The following SCARB1 variants were observed in gnomAD, a reference collection of about 807,000 sequenced individuals.
The protein encoded by SCARB1 is scavenger receptor class B member 1, also known as CD36 and LIMPII analogous 1.
In SCARB1, 30 loss-of-function variants were observed where a neutral mutation model predicts 57.2. The observed-to-expected ratio is 0.52, with a 90% CI of 0.39 to 0.71. The LOEUF is 0.71. SCARB1 is among the 30% of genes least tolerant of loss of function. The pLI is 0.00. For missense variants in SCARB1, 543 were observed against 671.2 expected, an observed-to-expected ratio of 0.81 and a Z score of 2.11; for synonymous variants, 249 against 268.3, an observed-to-expected ratio of 0.93 and a Z score of 0.70.
intron 1 of SCARB1, among the ~76,000 whole-genome samples, chr12:124,843,995 T>A (rs879804233): frequency 2.0e-5 from 3 of 152,018 alleles, no homozygotes; most frequent in Non-Finnish European, 4.4e-5. Context: ...CTGGAAGGCA[T>A]GTTGGGTGAA....
chr12:124,792,913 C>T (rs945125845), intron 9 of SCARB1, among the ~76,000 whole-genome samples: 2 of 36,184 alleles, frequency 5.5e-5, no homozygotes, highest in African/African-American at 2.6e-4. Context: ...GGCCCCAGGT[C>T]GCCTCTTCTA....
At position 124,817,775 on chromosome 12, in the gene SCARB1, C is replaced by A; in HGVS notation, c.127-68G>T. ...GGGCCCCACGCCCCACCACAAGGCT[C>A]CGGAACAGCTGCCCGAGCCCGGCCA... On this transcript the variant is annotated intron_variant, in intron 1 of 12. Coordinates refer to ENST00000261693, the MANE Select transcript of SCARB1 (RefSeq NM_005505.5). The surrounding 1 kb of genome is among the most constrained non-coding windows in gnomAD (Gnocchi z 4.8). 3.2e-6 allele frequency: 5 copies of A among 1,570,580 alleles called. No homozygotes were observed. Among genetic ancestry groups the A allele is most frequent in the Non-Finnish European group, 4.4e-6 (5 of 1,141,112 alleles).
In SCARB1 at chr12:124,778,521, G is replaced by A. The variant is rs1315600336; in HGVS notation, c.*66C>T. 2.9e-6 allele frequency: 4 copies of A among 1,368,378 alleles called. No homozygotes were observed. Among genetic ancestry groups the A allele is most frequent in the Non-Finnish European group, 3.8e-6 (4 of 1,059,160 alleles). 84.8% of individuals were successfully genotyped at this position (1,368,378 alleles called of 1,614,324 possible). ...TGGGAGAGTCCGGGAGAAGCGGGGT[G>A]TAGGGGCTGGGGGGCCGGTCAGGCC... On this transcript the variant is annotated 3_prime_UTR_variant, in exon 13 of 13. Transcript: ENST00000261693.
intron 1 of SCARB1, chr12:124,839,536 T>C: frequency 1.2e-6 from 1 of 844,628 alleles, no homozygotes; most frequent in South Asian, 5.4e-5. Flanking sequence ...CCTCTTCAAG[T>C]TCCCACTTCC....
chr12:124,786,043 AT>A (rs1441876869), intron 11 of SCARB1: 1 of 1,504,146 alleles, frequency 6.6e-7, no homozygotes, highest in African/African-American at 1.4e-5. Context: ...AGAACCTGGC[AT>A]CCCCGGGTGC....
intron 11 of SCARB1, 41 bp downstream of exon 11, chr12:124,786,316 G>T: frequency 6.2e-7 from 1 of 1,610,884 alleles, no homozygotes; most frequent in East Asian, 2.2e-5. Flanking sequence ...GCAGGCAAGC[G>T]AATGGCTGTC....
intron 1 of SCARB1, among the ~76,000 whole-genome samples, chr12:124,845,946 A>T (rs1372150179): frequency 6.6e-6 from 1 of 152,064 alleles, no homozygotes; most frequent in Non-Finnish European, 1.5e-5. Flanking sequence ...CGGGAGGCGG[A>T]GGTTGCAGTG....
At chr12:124,786,695 C>A (rs959201970) in intron 10 of SCARB1, among the ~76,000 whole-genome samples, 192 bp from the exon 11 acceptor site, 1 of 152,272 alleles carries the variant, frequency 6.6e-6, no homozygotes, top group Middle Eastern at 3.2e-3. Context: ...AATTCCCCGA[C>A]TCCCTTGCAG....
rs764073908 is a variant in SCARB1, at chr12:124,811,900, G to A, written c.696C>T (p.His232=). The change falls in exon 5 of 13, where the codon CAC becomes CAT. Residue 232 remains histidine, a synonymous_variant. Coordinates refer to ENST00000261693, the MANE Select transcript of SCARB1 (RefSeq NM_005505.5). ...TCAGCCCGTTCCACTTGTCCACGAG[G>A]TGGATCCTGCTGATGTTCTGGACCC... ...FTGVQNISRI[H]LVDKWNGLSK... 4.3e-5 allele frequency: 69 copies of A among 1,613,150 alleles called. No individual in the cohort carries two copies. The highest frequency in any genetic ancestry group is 5.7e-5 in the Non-Finnish European group (67 of 1,179,686).
At chr12:124,839,717 G>A (rs1156409155) in intron 1 of SCARB1, 2 of 114,482 alleles carry the variant, frequency 1.7e-5, no homozygotes, top group Admixed American at 9.3e-5. Flanking sequence ...CGATTTCTCC[G>A]CACCCTCACC....
intron 1 of SCARB1, among the ~76,000 whole-genome samples, chr12:124,826,822 T>C (rs191136736): frequency 1.3e-5 from 2 of 152,178 alleles, no homozygotes; most frequent in Admixed American, 6.5e-5. Flanking sequence ...AAAGAAACAA[T>C]TGACATGGGC....
In SCARB1 at chr12:124,863,675, C is replaced by T. The variant is rs754980444; in HGVS notation, c.46G>A (p.Val16Ile). ...KARWAAGALGVAGLLCAVLGA... is the reference protein window; with the variant it reads ...KARWAAGALGIAGLLCAVLGA... ...AGCACAGCGCACAGTAGCCCCGCGA[C>T]GCCCAGCGCCCCGGCAGCCCAGCGC... Residue 16 changes from valine (V) to isoleucine (I), a missense_variant, in exon 1 of 13, where the codon GTC becomes ATC. By Grantham distance (29) the Val-to-Ile change is conservative. Transcript: ENST00000261693. 4 of 1,564,116 alleles carry T rather than the reference C, an allele frequency of 2.6e-6. No individual in the cohort carries two copies. The highest frequency in any genetic ancestry group is 3.5e-6 in the Non-Finnish European group (4 of 1,156,222).
chr12:124,780,604 G>A (rs1873257526), intron 12 of SCARB1, among the ~76,000 whole-genome samples: 1 of 152,220 alleles, frequency 6.6e-6, no homozygotes, highest in Non-Finnish European at 1.5e-5. Flanking sequence ...CATGCCTAGG[G>A]GATCCGGGGC....
Position 124,822,391 on chromosome 12 carries a change from C to G in SCARB1, c.127-4684G>C, listed in dbSNP as rs1232272697. On this transcript the variant is annotated intron_variant, in intron 1 of 12. Coordinates refer to ENST00000261693, the MANE Select transcript of SCARB1 (RefSeq NM_005505.5). This position sits in a 1 kb window ranked among gnomAD's most constrained non-coding sequence, Gnocchi z 5.0. Reference sequence around the variant, plus strand: ...ACAACACAGGTGAGCCTCAGAAGCACTACCCCAAGCAAAAAAAAGAAAAGA... The same window carrying G: ...ACAACACAGGTGAGCCTCAGAAGCAGTACCCCAAGCAAAAAAAAGAAAAGA... Among the ~76,000 whole-genome samples the G allele has an allele frequency of 6.6e-6, 1 of 152,096 alleles. No individual in the cohort carries two copies. The highest frequency in any genetic ancestry group is 1.9e-4 in the East Asian group (1 of 5,206).
intron 1 of SCARB1, among the ~76,000 whole-genome samples, chr12:124,854,582 C>T (rs892253541): frequency 2.6e-5 from 4 of 152,140 alleles, no homozygotes; most frequent in Non-Finnish European, 4.4e-5. Context: ...GTGATGGTGC[C>T]TTGGACCAGA....
chr12:124,787,186 C>G lies in SCARB1; in HGVS notation c.1254+220G>C, dbSNP rs140742734. Among the ~76,000 whole-genome samples, 317 of 152,308 alleles carry G rather than the reference C, an allele frequency of 2.1e-3. 2 individuals carry two copies. The highest frequency in any genetic ancestry group is 7.1e-3 in the African/African-American group (297 of 41,570). Reference sequence around the variant, plus strand: ...GGGACTTTACCTCTTCATGCAGCTTCTGTCTTCCCCATCTCTAGGGATCCC... The same window carrying G: ...GGGACTTTACCTCTTCATGCAGCTTGTGTCTTCCCCATCTCTAGGGATCCC... On this transcript the variant is annotated intron_variant, in intron 10 of 12. Coordinates refer to ENST00000261693, the MANE Select transcript of SCARB1 (RefSeq NM_005505.5).
intron 7 of SCARB1, among the ~76,000 whole-genome samples, chr12:124,806,685 A>G (rs1167634770): frequency 6.6e-6 from 1 of 152,176 alleles, no homozygotes; most frequent in East Asian, 1.9e-4. Flanking sequence ...ACTTGAGGCC[A>G]GGTGTTTGAG....
rs1025921092 is a variant in SCARB1 at position 124,817,156 on chromosome 12, A to G, written c.284+394T>C. On this transcript the variant is annotated intron_variant, in intron 2 of 12. Coordinates refer to ENST00000261693, the MANE Select transcript of SCARB1 (RefSeq NM_005505.5). The surrounding 1 kb of genome is among the most constrained non-coding windows in gnomAD (Gnocchi z 4.8). ...TGTATGTGTATGTGTATGTGTGTGT[A>G]TGTATGTGTGTAACTCACACATGCA... 6.6e-6 allele frequency among the ~76,000 whole-genome samples: 1 copy of G among 150,412 alleles called. No individual in the cohort carries two copies. The highest frequency in any genetic ancestry group is 2.4e-5 in the African/African-American group (1 of 40,856).
At chr12:124,784,305 G>A (rs1949432799) in intron 11 of SCARB1, 1 of 152,428 alleles carries the variant, frequency 6.6e-6, no homozygotes, top group Middle Eastern at 3.4e-3. Flanking sequence ...GCCCTGCTGG[G>A]TTCTGGCTCC....
Sources: allele counts gnomAD v4.1 joint callset (sites outside exome capture counted in the v4.1 genomes callset), GRCh38; gene constraint gnomAD v4.1.1; non-coding constraint Gnocchi (gnomAD v3.1); transcripts MANE v1.5; gene names NCBI Gene and HGNC (gene_info 2026-07-23, HGNC 2026-07-21).